TRIM33: variants seen among roughly 807,000 people sequenced by gnomAD.
TRIM33 encodes the protein E3 ubiquitin-protein ligase TRIM33.
Under a neutral mutation model 125.4 loss-of-function variants are expected in TRIM33, and 20 were observed. That is an observed-to-expected ratio of 0.16 (90% CI 0.11 to 0.23). TRIM33 has a LOEUF of 0.23. Ranked by LOEUF, TRIM33 falls within the 10% of genes least tolerant of loss-of-function variation. The pLI is 1.00. For synonymous variants in TRIM33, 564 were observed against 513.9 expected, an observed-to-expected ratio of 1.10 and a Z score of -1.32; for missense variants, 920 against 1,411.4, an observed-to-expected ratio of 0.65 and a Z score of 5.58.
intron 4 of TRIM33, among the ~76,000 whole-genome samples, chr1:114,459,374 G>A (rs1431515834): frequency 6.6e-6 from 1 of 152,164 alleles, no homozygotes; most frequent in African/African-American, 2.4e-5. Context: ...TGAACACGTG[G>A]AGGATAAGGC....
chr1:114,468,520 A>G, intron 1 of TRIM33: 2 of 405,662 alleles, frequency 4.9e-6, no homozygotes, highest in South Asian at 4.1e-5. Context: ...GCTTCTGATG[A>G]TCTAGATGAC....
At chr1:114,421,734 A>G in intron 10 of TRIM33, 98 bp from the exon 11 acceptor site, 1 of 1,199,856 alleles carries the variant, frequency 8.3e-7, no homozygotes, top group South Asian at 1.4e-5. Context: ...AAACAGAAGA[A>G]ACAAAGAAGT....
At chr1:114,414,068 C>CAT (rs1557849719) in intron 11 of TRIM33, among the ~76,000 whole-genome samples, 1 of 149,958 alleles carries the variant, frequency 6.7e-6, no homozygotes, top group Non-Finnish European at 1.5e-5. Context: ...CACACACACA[C>CAT]ACGTTTTTAA....
intron 1 of TRIM33, among the ~76,000 whole-genome samples, chr1:114,510,003 GTCA>G (rs1487029634): frequency 6.6e-6 from 1 of 151,950 alleles, no homozygotes; most frequent in Admixed American, 6.6e-5. Flanking sequence ...CTTTCCCCAT[GTCA>G]TCTTACAATT....
At chr1:114,434,592 T>A (rs2101202895) in intron 4 of TRIM33, among the ~76,000 whole-genome samples, 1 of 152,348 alleles carries the variant, frequency 6.6e-6, no homozygotes, top group East Asian at 1.9e-4. Context: ...GAATAATAGT[T>A]TTCTTTGCTA....
At position 114,397,608 on chromosome 1, in the gene TRIM33, T is replaced by TGGG; in HGVS notation, c.*39_*40insCCC. On this transcript the variant is annotated 3_prime_UTR_variant, in exon 20 of 20. Coordinates refer to ENST00000358465, the MANE Select transcript of TRIM33 (RefSeq NM_015906.4). ...TTTTGTGTTTTTTTTTTTTTTTTCGTTTTTTTTTTTTTAAACAATTGATTT... is the reference window on the plus strand; with the variant it reads ...TTTTGTGTTTTTTTTTTTTTTTTCGTGGGTTTTTTTTTTTTAAACAATTGATTT... 2.8e-6 allele frequency: 2 copies of TGGG among 711,398 alleles called. No homozygotes were observed. The highest frequency in any genetic ancestry group is 3.1e-5 in the Admixed American group (1 of 32,408). 44.1% of individuals were successfully genotyped at this position (711,398 alleles called of 1,614,324 possible).
chr1:114,463,461 T>C lies in TRIM33; in HGVS notation c.741A>G (p.Arg247=), dbSNP rs983872160. The C allele has an allele frequency of 3.1e-6, 5 of 1,613,342 alleles. No individual in the cohort carries two copies. The highest frequency in any genetic ancestry group is 4.2e-6 in the Non-Finnish European group (5 of 1,179,470). ...TCAAGTGATCTTTAGTAAATTTTAC[T>C]CTTTGATGTGCTTCGATACATGTCT... ...LCKTCIEAHQ[R]VKFTKDHLIR... is the part of the protein sequence containing the mutation. The change falls in exon 3 of 20, where the codon AGA becomes AGG. Residue 247 remains arginine (R), a synonymous_variant. Coordinates refer to ENST00000358465, the MANE Select transcript of TRIM33 (RefSeq NM_015906.4).
At chr1:114,409,157 T>C (rs181774636) in intron 12 of TRIM33, among the ~76,000 whole-genome samples, 1 of 152,330 alleles carries the variant, frequency 6.6e-6, no homozygotes, top group Admixed American at 6.5e-5. Flanking sequence ...ACATGTGAAT[T>C]GTTCTTCCTC....
chr1:114,507,817 T>C (rs1653086226), intron 1 of TRIM33, among the ~76,000 whole-genome samples: 1 of 152,068 alleles, frequency 6.6e-6, no homozygotes, highest in Non-Finnish European at 1.5e-5. Flanking sequence ...TTCTAGACTA[T>C]CTAAAAACAC....
At position 114,424,696 on chromosome 1, in the gene TRIM33, A is replaced by G; in HGVS notation, c.1755T>C (p.Phe585=). 6.2e-7 allele frequency: 1 copy of G among 1,611,096 alleles called. No individual in the cohort carries two copies. The highest frequency in any genetic ancestry group is 8.5e-7 in the Non-Finnish European group (1 of 1,178,290). The change falls in exon 10 of 20, where the codon TTT becomes TTC. Residue 585 remains phenylalanine (F), a synonymous_variant. Coordinates refer to ENST00000358465, the MANE Select transcript of TRIM33 (RefSeq NM_015906.4). ...MQRGNMNCGA[F]QAHQMRLAQN... is the part of the protein sequence containing the mutation. ...GAGCCAGTCTCATCTGATGGGCTTG[A>G]AAAGCTCCACAGTTCATGTTGCCTC...
intron 1 of TRIM33, among the ~76,000 whole-genome samples, chr1:114,472,954 T>C (rs763060218): frequency 1.3e-5 from 2 of 151,492 alleles, no homozygotes; most frequent in Non-Finnish European, 2.9e-5. Context: ...CAGAAGGCAG[T>C]GTGTTATAAA....
At position 114,456,317 on chromosome 1, in the gene TRIM33, T is replaced by C. The variant is rs201443131; in HGVS notation, c.923+6787A>G. Among the ~76,000 whole-genome samples the C allele has an allele frequency of 3.9e-5, 6 of 152,236 alleles. No homozygotes were observed. In the East Asian group the frequency reaches 5.8e-4, roughly 15 times the overall value. On this transcript the variant is annotated intron_variant, in intron 4 of 19. Coordinates refer to ENST00000358465, the MANE Select transcript of TRIM33 (RefSeq NM_015906.4). ...CAGTGTAAGGTACTGCCTGATGAAA[T>C]TACCTGTTGGACAAAAAGAAATTAC...
At chr1:114,490,084 C>CAAAAAAAAAAAA (rs776451339) in intron 1 of TRIM33, among the ~76,000 whole-genome samples, 2 of 37,632 alleles carry the variant, frequency 5.3e-5, no homozygotes, top group African/African-American at 1.0e-4. Context: ...GACTCCGTCT[C>CAAAAAAAAAAAA]AAAAAAAAAA....
intron 1 of TRIM33, among the ~76,000 whole-genome samples, chr1:114,509,112 C>T (rs1365465824): frequency 1.1e-4 from 16 of 152,192 alleles, no homozygotes. Flanking sequence ...TGCCTTCCCT[C>T]ATCCCTCAAG....
At chr1:114,471,215 G>A (rs766322201) in intron 1 of TRIM33, among the ~76,000 whole-genome samples, 4 of 152,202 alleles carry the variant, frequency 2.6e-5, no homozygotes, top group Admixed American at 1.3e-4. Flanking sequence ...TTGGAAGGCC[G>A]AGGTGGGCGG....
intron 4 of TRIM33, among the ~76,000 whole-genome samples, chr1:114,453,198 T>C (rs1649421143): frequency 6.6e-6 from 1 of 151,862 alleles, no homozygotes; most frequent in African/African-American, 2.4e-5. Flanking sequence ...ACTGCATCTC[T>C]ACTAAAAATA....
intron 4 of TRIM33, 59 bp downstream of exon 4, chr1:114,463,045 G>A (rs1650086700): frequency 7.4e-7 from 1 of 1,347,736 alleles, no homozygotes; most frequent in African/African-American, 1.5e-5. Flanking sequence ...TTAAGAAGAA[G>A]AATGACTTTA....
At position 114,396,131 on chromosome 1, in the gene TRIM33, A is replaced by G. The variant is rs1232665016; in HGVS notation, c.*1517T>C. ...TTCTATTTTGGTCTCTGAATATTCTAATGTGTCCATACAAAAGTAGGACTA... is the reference window on the plus strand; with the variant it reads ...TTCTATTTTGGTCTCTGAATATTCTGATGTGTCCATACAAAAGTAGGACTA... On this transcript the variant is annotated 3_prime_UTR_variant, in exon 20 of 20. Transcript: ENST00000358465. 5.0e-6 allele frequency: 1 copy of G among 201,080 alleles called. No homozygotes were observed. Among genetic ancestry groups the G allele is most frequent in the African/African-American group, 2.3e-5 (1 of 43,482 alleles). 12.5% of individuals were successfully genotyped at this position (201,080 alleles called of 1,614,324 possible).
rs56960865 is a variant in TRIM33, at chr1:114,414,989, A to ATTTTTTTTTTTTT, written c.2062-4686_2062-4674dup. The stretch of plus-strand genomic sequence containing the variant: ...CCAACATATCCATGAGGTAGATTCT[A>ATTTTTTTTTTTTT]TTTTTTTTTTTTTTTTTTTTTTTGA... On this transcript the variant is annotated intron_variant, in intron 11 of 19. Coordinates refer to ENST00000358465, the MANE Select transcript of TRIM33 (RefSeq NM_015906.4). Among the ~76,000 whole-genome samples the ATTTTTTTTTTTTT allele has an allele frequency of 3.8e-4, 40 of 104,704 alleles. 1 individual carries two copies. Among genetic ancestry groups the ATTTTTTTTTTTTT allele is most frequent in the Non-Finnish European group, 5.8e-4 (31 of 53,512 alleles). The allele number at this position is 104,704 out of a possible 152,430, so 68.7% of individuals were successfully genotyped here.
Sources: gnomAD v4.1 joint callset for allele counts (sites outside exome capture counted in the v4.1 genomes callset) on GRCh38, gnomAD v4.1.1 for gene constraint, MANE v1.5 for transcripts, NCBI Gene and HGNC (gene_info 2026-07-23, HGNC 2026-07-21) for gene names.